RPTOR: variants seen among roughly 807,000 people sequenced by gnomAD.
The protein encoded by RPTOR is regulatory associated protein of MTOR complex 1, also known as regulatory-associated protein of mTOR.
A neutral mutation model predicts 169.9 loss-of-function variants in RPTOR; 21 were observed. The ratio of observed to expected loss-of-function variants is 0.12; its 90% CI spans 0.09 to 0.18. The LOEUF is 0.18. RPTOR is among the 10% of genes least tolerant of loss of function. The pLI is 1.00. For missense variants in RPTOR, 1,133 were observed against 1,855.9 expected (o/e 0.61, Z 7.16); for synonymous variants, 732 against 753.2 (o/e 0.97, Z 0.46).
rs1227786574 is a variant in RPTOR at position 80,730,516 on chromosome 17, T to C, written c.508-44T>C. ...TGCAGTACTCACCAGCAGCCCATAT[T>C]CCTGAGACGCACATGTAACGAGCGC... On this transcript the variant is annotated intron_variant, in intron 4 of 33. Coordinates refer to ENST00000306801, the MANE Select transcript of RPTOR (RefSeq NM_020761.3). This position sits in a 1 kb window ranked among gnomAD's most constrained non-coding sequence, Gnocchi z 4.2. The C allele has an allele frequency of 1.2e-6, 2 of 1,602,524 alleles. No homozygotes were observed. The highest frequency in any genetic ancestry group is 1.7e-6 in the Non-Finnish European group (2 of 1,170,424).
In RPTOR at chr17:80,891,363, C is replaced by T. The variant is rs959997068; in HGVS notation, c.1984-357C>T. Among the ~76,000 whole-genome samples the T allele has an allele frequency of 5.9e-5, 9 of 152,330 alleles. 2 individuals are homozygous for T. The highest frequency in any genetic ancestry group is 2.2e-4 in the African/African-American group (9 of 41,582). ...TAGAGCGGCGTTTTCAGCCAGGGTC[C>T]CAGTGGTCACCGTAAGCGAGAGGCT... On this transcript the variant is annotated intron_variant, in intron 17 of 33. Coordinates refer to ENST00000306801, the MANE Select transcript of RPTOR (RefSeq NM_020761.3).
Position 80,822,253 on chromosome 17 carries a change from A to T in RPTOR, c.943A>T (p.Ile315Phe), listed in dbSNP as rs2067387373. The change falls in exon 8 of 34, where the codon ATC becomes TTC. Residue 315 changes from isoleucine (I) to phenylalanine (F), a missense_variant. By Grantham distance (21) the Ile-to-Phe change is conservative (BLOSUM62 0). Coordinates refer to ENST00000306801, the MANE Select transcript of RPTOR (RefSeq NM_020761.3). ...RRTPLGELNW[I>F]FTAITDTIAW... ...GACGCCCCTGGGTGAACTGAACTGG[A>T]TCTTCACAGCCATCACAGACACCAT... is the stretch of plus-strand genomic sequence containing the variant. The T allele has an allele frequency of 6.2e-7, 1 of 1,614,080 alleles. No homozygotes were observed. The highest frequency in any genetic ancestry group is 8.5e-7 in the Non-Finnish European group (1 of 1,180,044).
chr17:80,905,429 CAAA>C (rs535677825), intron 20 of RPTOR, among the ~76,000 whole-genome samples: 1 of 117,708 alleles, frequency 8.5e-6, no homozygotes, highest in Admixed American at 8.5e-5. Context: ...ACTAAAAATA[CAAA>C]AAAAAAAAAA....
At chr17:80,547,341 TTTG>T (rs1368341024) in intron 1 of RPTOR, among the ~76,000 whole-genome samples, 10 of 152,188 alleles carry the variant, frequency 6.6e-5, no homozygotes, top group African/African-American at 1.9e-4. Context: ...GGGCAGTTTT[TTTG>T]TTGTTGTTAT....
rs2067712689 is a variant in RPTOR at position 80,845,047 on chromosome 17, G to A, written c.1213-1426G>A. The stretch of plus-strand genomic sequence containing the variant: ...GCAGAGCTGTGTGTTAAGTGGAAGT[G>A]ACTCTCCGTGGAGGGAATCAGGCCG... On this transcript the variant is annotated intron_variant, in intron 10 of 33. Transcript: ENST00000306801. The surrounding 1 kb of genome is among the most constrained non-coding windows in gnomAD (Gnocchi z 5.4). 6.6e-6 allele frequency among the ~76,000 whole-genome samples: 1 copy of A among 151,012 alleles called. No homozygotes were observed. Among genetic ancestry groups the A allele is most frequent in the Admixed American group, 6.6e-5 (1 of 15,198 alleles).
chr17:80,595,673 T>G (rs2065139541), intron 1 of RPTOR, among the ~76,000 whole-genome samples: 1 of 152,158 alleles, frequency 6.6e-6, no homozygotes, highest in Admixed American at 6.5e-5. Context: ...CCCAGGCTGG[T>G]CTCAAACTCC....
At chr17:80,640,339 G>A (rs1467312121) in intron 2 of RPTOR, among the ~76,000 whole-genome samples, 1 of 152,086 alleles carries the variant, frequency 6.6e-6, no homozygotes, top group Non-Finnish European at 1.5e-5. Context: ...TATCTATCGG[G>A]GAATTTAATT....
intron 3 of RPTOR, among the ~76,000 whole-genome samples, chr17:80,647,745 G>A (rs2065607888): frequency 6.6e-6 from 1 of 152,170 alleles, no homozygotes; most frequent in Non-Finnish European, 1.5e-5. Flanking sequence ...CCTCAGTCAT[G>A]GAGCCACGTT....
intron 32 of RPTOR, 66 bp from the exon 33 acceptor site, chr17:80,962,862 A>C (rs2069363243): frequency 6.2e-7 from 1 of 1,605,078 alleles, no homozygotes; most frequent in Non-Finnish European, 8.5e-7. Context: ...CGGTCTCGGC[A>C]TCTGCGCCCA....
At position 80,754,012 on chromosome 17, in the gene RPTOR, A is replaced by G. The variant is rs371290194; in HGVS notation, c.657A>G (p.Val219=). ...TTCCCGAATGTTCTGCCCTTCAGGT[A>G]GCTGCAATCAACCCAAATCACCCTC... is the stretch of plus-strand genomic sequence containing the variant. The part of the protein sequence containing the change: ...FALQREQELE[V]AAINPNHPLA... The change falls in exon 6 of 34, where the codon GTA becomes GTG. Residue 219 remains valine (V), a splice_region_variant and synonymous_variant. Coordinates refer to ENST00000306801, the MANE Select transcript of RPTOR (RefSeq NM_020761.3). The surrounding 1 kb of genome is among the most constrained non-coding windows in gnomAD (Gnocchi z 4.2). 6 of 1,612,172 alleles carry G rather than the reference A, an allele frequency of 3.7e-6. No homozygotes were observed. The highest frequency in any genetic ancestry group is 5.1e-6 in the Non-Finnish European group (6 of 1,178,592).
chr17:80,957,791 C>A lies in RPTOR; in HGVS notation c.3477+61C>A. 1 of 1,478,964 alleles carries A rather than the reference C, an allele frequency of 6.8e-7. No homozygotes were observed. Among genetic ancestry groups the A allele is most frequent in the Non-Finnish European group, 9.4e-7 (1 of 1,059,328 alleles). The allele number at this position is 1,478,964 out of a possible 1,614,324, so 91.6% of individuals were successfully genotyped here. On this transcript the variant is annotated intron_variant, in intron 29 of 33. Transcript: ENST00000306801. This position sits in a 1 kb window ranked among gnomAD's most constrained non-coding sequence, Gnocchi z 4.6. ...TGGGGCAGTGTGTGCAGGGCTGGTC[C>A]TCGTCACAGAACCCAGCAAAGTGTG... is the stretch of plus-strand genomic sequence containing the variant.
At chr17:80,705,546 T>C (rs537784175) in intron 3 of RPTOR, among the ~76,000 whole-genome samples, 1 of 152,328 alleles carries the variant, frequency 6.6e-6, no homozygotes, top group South Asian at 2.1e-4. Context: ...TGTCATAAAT[T>C]AGAGTTTTAA....
intron 11 of RPTOR, among the ~76,000 whole-genome samples, chr17:80,848,690 C>G (rs1028317046): frequency 6.6e-6 from 1 of 152,280 alleles, no homozygotes; most frequent in Non-Finnish European, 1.5e-5. Context: ...GGCTCTCTTA[C>G]TGGCCTTCCT....
chr17:80,691,353 G>A (rs575575937), intron 3 of RPTOR, among the ~76,000 whole-genome samples: 1 of 151,962 alleles, frequency 6.6e-6, no homozygotes, highest in African/African-American at 2.4e-5. Flanking sequence ...TGGTGTGTGT[G>A]GCCACCCTGT....
rs1555594158 is a variant in RPTOR, at chr17:80,601,555, C to CTTCT, written c.163-24134_163-24133insCTTT. On this transcript the variant is annotated intron_variant, in intron 1 of 33. Coordinates refer to ENST00000306801, the MANE Select transcript of RPTOR (RefSeq NM_020761.3). ...CTGCTGTTGGTGAAGATGGTTCAGT[C>CTTCT]TTTTTTTTTTTTTTTTTAAATTTAT... Among the ~76,000 whole-genome samples, 61 of 17,994 alleles carry CTTCT rather than the reference C, an allele frequency of 3.4e-3. 18 individuals are homozygous for CTTCT. Among genetic ancestry groups the CTTCT allele is most frequent in the Middle Eastern group, 0.036 (1 of 28 alleles). 11.8% of individuals were successfully genotyped at this position (17,994 alleles called of 152,430 possible).
chr17:80,925,531 G>C, intron 24 of RPTOR, 51 bp downstream of exon 24: 1 of 1,416,974 alleles, frequency 7.1e-7, no homozygotes. Context: ...ACATGTGTCT[G>C]TCCCACTTCT....
chr17:80,800,757 A>G (rs1567918425), intron 7 of RPTOR, among the ~76,000 whole-genome samples: 1 of 152,204 alleles, frequency 6.6e-6, no homozygotes, highest in Non-Finnish European at 1.5e-5. Context: ...TGCTAGAAAT[A>G]TTAGGGTTTT....
intron 24 of RPTOR, among the ~76,000 whole-genome samples, chr17:80,931,605 A>G (rs2144014675): frequency 6.6e-6 from 1 of 151,904 alleles, no homozygotes; most frequent in Non-Finnish European, 1.5e-5. Context: ...AAAGACAGCA[A>G]ACCCTGTCGC....
At chr17:80,743,407 A>G in intron 5 of RPTOR, 1 of 985,504 alleles carries the variant, frequency 1.0e-6, no homozygotes, top group Non-Finnish European at 1.2e-6. Flanking sequence ...AGAACGTAAG[A>G]AGTTGCCAGC....
Sources: gnomAD v4.1 joint callset for allele counts (sites outside exome capture counted in the v4.1 genomes callset) on GRCh38, gnomAD v4.1.1 for gene constraint, Gnocchi (gnomAD v3.1) non-coding constraint, MANE v1.5 for transcripts, NCBI Gene and HGNC (gene_info 2026-07-23, HGNC 2026-07-21) for gene names.